Variants in ASPRV1 observed in about 807,000 individuals in gnomAD.
ASPRV1 encodes the protein retroviral-like aspartic protease 1.
Under a neutral mutation model 11.0 loss-of-function variants are expected in ASPRV1, and 7 were observed. The ratio of observed to expected loss-of-function variants is 0.64; its 90% CI spans 0.36 to 1.20. The LOEUF is 1.20. Among genes scored for constraint, ASPRV1 ranks in the 50% most tolerant of loss-of-function variants. The pLI, the probability that ASPRV1 is intolerant of heterozygous loss-of-function variation, is 0.02. For synonymous variants in ASPRV1, 136 were observed against 138.4 expected (o/e 0.98, Z 0.12); for missense variants, 299 against 320.0 (o/e 0.93, Z 0.50).
the ASPRV1 span, among the ~76,000 whole-genome samples, chr2:70,064,590 C>G: frequency 2.0e-5 from 3 of 152,054 alleles, no homozygotes; most frequent in Non-Finnish European, 4.4e-5. Flanking sequence ...GAAGAGCACA[C>G]GCAAAGGCCT....
At chr2:69,996,854 G>T in the ASPRV1 span, 5 of 397,666 alleles carry the variant, frequency 1.3e-5, no homozygotes, top group Non-Finnish European at 5.0e-6. Context: ...TAAGGGTTAA[G>T]CACCTCTGTC....
chr2:70,022,901 G>C, the ASPRV1 span, among the ~76,000 whole-genome samples: 1 of 151,892 alleles, frequency 6.6e-6, no homozygotes, highest in Non-Finnish European at 1.5e-5. Flanking sequence ...GGTATAAAAG[G>C]GTCCTGAGAC....
At chr2:69,956,236 T>C (rs1677932570), downstream of ASPRV1, among the ~76,000 whole-genome samples, 1 of 152,078 alleles carries the variant, frequency 6.6e-6, no homozygotes, top group Non-Finnish European at 1.5e-5. Flanking sequence ...TAAGTCCACA[T>C]GGTATAAATC....
chr2:69,948,420 CG>C, the ASPRV1 span, among the ~76,000 whole-genome samples: 1 of 152,250 alleles, frequency 6.6e-6, no homozygotes, highest in African/African-American at 2.4e-5. Flanking sequence ...CATTTGCAGT[CG>C]GGTATGGATG....
chr2:70,081,005 A>T, the ASPRV1 span: 1 of 152,052 alleles, frequency 6.6e-6, no homozygotes, highest in African/African-American at 2.4e-5. Context: ...TCGTAGGCTC[A>T]AACAATCCTC....
At chr2:70,008,763 T>C in the ASPRV1 span, among the ~76,000 whole-genome samples, 1 of 152,032 alleles carries the variant, frequency 6.6e-6, no homozygotes, top group Non-Finnish European at 1.5e-5. Flanking sequence ...AGCCCTACCA[T>C]ATGACTGCCT....
chr2:69,973,054 A>G, the ASPRV1 span, among the ~76,000 whole-genome samples: 1 of 152,162 alleles, frequency 6.6e-6, no homozygotes, highest in Non-Finnish European at 1.5e-5. Context: ...ATGCTGGTAG[A>G]TGTTTAATTA....
the ASPRV1 span, chr2:69,988,968 C>T: frequency 3.0e-6 from 1 of 333,246 alleles, no homozygotes; most frequent in African/African-American, 2.2e-5. Flanking sequence ...GACAAAAAGG[C>T]TGCCACCACT....
chr2:69,953,229 G>A, the ASPRV1 span, among the ~76,000 whole-genome samples: 2 of 152,346 alleles, frequency 1.3e-5, no homozygotes, highest in African/African-American at 4.8e-5. Flanking sequence ...GCTCTGGACA[G>A]GGAGTTGTGG....
chr2:69,993,685 A>AG, the ASPRV1 span: 1 of 152,264 alleles, frequency 6.6e-6, no homozygotes, highest in African/African-American at 2.4e-5. Flanking sequence ...TCTTCCTAAA[A>AG]GGTGGCCCAT....
the ASPRV1 span, among the ~76,000 whole-genome samples, chr2:69,952,886 C>T: frequency 1.3e-5 from 2 of 152,142 alleles, no homozygotes; most frequent in Non-Finnish European, 2.9e-5. Context: ...CCTGTTGGTT[C>T]GTCCTCCATG....
At chr2:69,932,849 A>G in the ASPRV1 span, among the ~76,000 whole-genome samples, 1 of 152,250 alleles carries the variant, frequency 6.6e-6, no homozygotes, top group South Asian at 2.1e-4. Context: ...TGAATCATGC[A>G]GTCTTTGCAA....
the ASPRV1 span, among the ~76,000 whole-genome samples, chr2:69,973,192 A>G: frequency 2.0e-5 from 3 of 152,192 alleles, no homozygotes; most frequent in Non-Finnish European, 2.9e-5. Context: ...TTTACTGTAA[A>G]TTGCATATGG....
the ASPRV1 span, among the ~76,000 whole-genome samples, chr2:70,081,702 G>C: frequency 3.3e-5 from 5 of 151,778 alleles, no homozygotes; most frequent in Admixed American, 3.3e-4. Context: ...TCCCATCTCA[G>C]CCTTGCAAGT....
chr2:70,069,191 T>C, the ASPRV1 span: 19,819 of 152,182 alleles, frequency 0.13, 1,676 homozygotes, highest in Non-Finnish European at 0.19. Context: ...AGTCACACAC[T>C]AGACAGCTCT....
At chr2:70,069,225 G>A in the ASPRV1 span, 1 of 152,182 alleles carries the variant, frequency 6.6e-6, no homozygotes, top group South Asian at 2.1e-4. Context: ...AACCCAAGGT[G>A]AGCTGTCAAA....
chr2:70,034,274 G>A, the ASPRV1 span, among the ~76,000 whole-genome samples: 3 of 151,270 alleles, frequency 2.0e-5, no homozygotes, highest in Admixed American at 2.0e-4. Flanking sequence ...AGGCTGGAGT[G>A]CAATGGCATG....
At chr2:70,058,246 C>T in the ASPRV1 span, among the ~76,000 whole-genome samples, 7 of 152,182 alleles carry the variant, frequency 4.6e-5, no homozygotes, top group Admixed American at 6.5e-5. Flanking sequence ...ATTCATTTTA[C>T]GTGTTTAACT....
At chr2:69,978,814 A>C in the ASPRV1 span, among the ~76,000 whole-genome samples, 2 of 152,182 alleles carry the variant, frequency 1.3e-5, no homozygotes, top group African/African-American at 4.8e-5. Flanking sequence ...TGCACAACTG[A>C]GGAAACTCCC....
Sources: gnomAD v4.1 joint callset for allele counts (sites outside exome capture counted in the v4.1 genomes callset) on GRCh38, gnomAD v4.1.1 for gene constraint, MANE v1.5 for transcripts, NCBI Gene and HGNC (gene_info 2026-07-23, HGNC 2026-07-21) for gene names.